ARID5B: variants seen among roughly 807,000 people sequenced by gnomAD.
ARID5B encodes the protein AT-rich interactive domain-containing protein 5B.
In ARID5B, 13 loss-of-function variants were observed where a neutral mutation model predicts 97.2. That is an observed-to-expected ratio of 0.13 (90% CI 0.09 to 0.21). ARID5B has a LOEUF of 0.21. Among genes scored for constraint, ARID5B ranks in the 10% least tolerant of loss-of-function variants. The probability of loss-of-function intolerance (pLI) is 1.00; values close to 1 mark genes in which losing one functional copy is unlikely to be tolerated. For missense variants in ARID5B, 1,210 were observed against 1,465.3 expected, an observed-to-expected ratio of 0.83 and a Z score of 2.84; for synonymous variants, 556 against 570.3, an observed-to-expected ratio of 0.97 and a Z score of 0.36.
At chr10:61,917,565 T>C (rs1331146558) in intron 2 of ARID5B, among the ~76,000 whole-genome samples, 1 of 152,138 alleles carries the variant, frequency 6.6e-6, no homozygotes, top group African/African-American at 2.4e-5. Flanking sequence ...CCTGGCCCAA[T>C]CCAATTTTTA....
At chr10:62,057,770 T>C (rs181367138) in intron 6 of ARID5B, among the ~76,000 whole-genome samples, 10 of 152,256 alleles carry the variant, frequency 6.6e-5, no homozygotes, top group African/African-American at 2.2e-4. Context: ...TGTTAAAATA[T>C]AACAAAAATC....
intron 7 of ARID5B, among the ~76,000 whole-genome samples, chr10:62,062,841 A>G (rs150617348): frequency 3.6e-4 from 54 of 151,262 alleles, no homozygotes; most frequent in African/African-American, 1.2e-3. Context: ...GCCTCATTTT[A>G]CAAGCGAGAA....
At chr10:61,990,319 A>G (rs1286728062) in intron 3 of ARID5B, among the ~76,000 whole-genome samples, 4 of 152,174 alleles carry the variant, frequency 2.6e-5, no homozygotes, top group African/African-American at 7.2e-5. Flanking sequence ...AAGTGGCGAG[A>G]TTATTTTATT....
At chr10:61,940,778 T>C (rs1844385752) in intron 3 of ARID5B, among the ~76,000 whole-genome samples, 1 of 150,892 alleles carries the variant, frequency 6.6e-6, no homozygotes, top group South Asian at 2.1e-4. Context: ...AATTTCATGT[T>C]TTACATTGAG....
At chr10:61,902,649 G>C (rs1169612949) in intron 2 of ARID5B, among the ~76,000 whole-genome samples, 1 of 151,276 alleles carries the variant, frequency 6.6e-6, no homozygotes, top group Non-Finnish European at 1.5e-5. Context: ...CAAATAACTT[G>C]TTCGAGAAGG....
At chr10:61,978,337 A>G (rs960023021) in intron 3 of ARID5B, among the ~76,000 whole-genome samples, 20 of 152,202 alleles carry the variant, frequency 1.3e-4, no homozygotes, top group Non-Finnish European at 1.9e-4. Context: ...TGACTTGGCC[A>G]TGCAGGCTCT....
chr10:61,980,857 G>A (rs1174363924), intron 3 of ARID5B, among the ~76,000 whole-genome samples: 1 of 152,126 alleles, frequency 6.6e-6, no homozygotes, highest in Non-Finnish European at 1.5e-5. Context: ...CTACTGTCCT[G>A]TCTCCTAGGA....
Position 62,079,435 on chromosome 10 carries a change from G to C in ARID5B, c.1200-6267G>C, listed in dbSNP as rs545722454. Among the ~76,000 whole-genome samples the C allele has an allele frequency of 3.7e-4, 57 of 152,278 alleles. No homozygotes were observed. The Middle Eastern group carries it at 0.01, about 27-fold the overall frequency. ...GAAATTAAAGCATGCAGAGTGCCTG[G>C]TATTAATAAGAATGTAATGCGTGGT... On this transcript the variant is annotated intron_variant, in intron 8 of 9. Coordinates refer to ENST00000279873, the MANE Select transcript of ARID5B (RefSeq NM_032199.3).
intron 2 of ARID5B, among the ~76,000 whole-genome samples, chr10:61,922,722 T>C (rs1167299588): frequency 6.6e-6 from 1 of 152,218 alleles, no homozygotes; most frequent in Non-Finnish European, 1.5e-5. Context: ...TTGTCCCAGG[T>C]GTGTTTCTCA....
rs778014323 is a variant in ARID5B, at chr10:61,959,202, G to A, written c.502+18794G>A. Among the ~76,000 whole-genome samples the A allele has an allele frequency of 2.0e-4, 30 of 152,206 alleles. 1 individual carries two copies. The highest frequency in any genetic ancestry group is 5.9e-4 in the Admixed American group (9 of 15,272). ...TTTTTGCCTAGTTATATTCATGGTT[G>A]CAAATGGGGCTAGTGTGGTTAATCA... On this transcript the variant is annotated intron_variant, in intron 3 of 9. Transcript: ENST00000279873.
In ARID5B at chr10:62,092,702, G is replaced by T; in HGVS notation, c.3239G>T (p.Gly1080Val). Residue 1080 changes from glycine to valine, a missense_variant, in exon 10 of 10, where the codon GGT (glycine) becomes GTT (valine). This residue lies in a region of ARID5B where 800 missense variants were observed against 839.1 expected (regional missense o/e 0.95). Coordinates refer to ENST00000279873, the MANE Select transcript of ARID5B (RefSeq NM_032199.3). ...CCCCTCTCCTCCCCTATCTTCCCAG[G>T]TCTGTATTCCGGGAGCCTGTGTAAC... ...KLPLSSPIFP[G>V]LYSGSLCNSG... 6.2e-7 allele frequency: 1 copy of T among 1,614,076 alleles called. No individual in the cohort carries two copies. The highest frequency in any genetic ancestry group is 8.5e-7 in the Non-Finnish European group (1 of 1,179,988).
Position 61,947,261 on chromosome 10 carries a change from C to CTTTTTTTTTTTTTTTTTTTTTTT in ARID5B, c.502+6856_502+6878dup, listed in dbSNP as rs199587188. Among the ~76,000 whole-genome samples, 16 of 124,302 alleles carry CTTTTTTTTTTTTTTTTTTTTTTT rather than the reference C, an allele frequency of 1.3e-4. 1 individual carries two copies. Among genetic ancestry groups the CTTTTTTTTTTTTTTTTTTTTTTT allele is most frequent in the Non-Finnish European group, 2.2e-4 (13 of 59,502 alleles). 81.5% of individuals were successfully genotyped at this position (124,302 alleles called of 152,430 possible). A position where few individuals can be genotyped will look rare whatever the true frequency, so the allele number is the denominator to read the frequency against. ...ACCAGTATATCTTCTCACTTACTTT[C>CTTTTTTTTTTTTTTTTTTTTTTT]TTTTTTTTTTTTTTTTTTTTTTTTT... On this transcript the variant is annotated intron_variant, in intron 3 of 9. Transcript: ENST00000279873.
At chr10:61,932,974 T>G (rs906731526) in intron 2 of ARID5B, among the ~76,000 whole-genome samples, 2 of 152,066 alleles carry the variant, frequency 1.3e-5, no homozygotes, top group Non-Finnish European at 2.9e-5. Flanking sequence ...TCCCACCTAT[T>G]CGGGAGGCTG....
chr10:61,941,030 G>C (rs1239553737), intron 3 of ARID5B, among the ~76,000 whole-genome samples: 2 of 116,638 alleles, frequency 1.7e-5, no homozygotes, highest in South Asian at 3.2e-4. Context: ...AAGTTTAAAG[G>C]AGAACTTGGG....
At chr10:61,982,694 A>G (rs572452227) in intron 3 of ARID5B, among the ~76,000 whole-genome samples, 1 of 152,192 alleles carries the variant, frequency 6.6e-6, no homozygotes, top group Non-Finnish European at 1.5e-5. Flanking sequence ...GCATGAGAAT[A>G]TTTGTTCCAG....
rs1298125270 is a variant in ARID5B, at chr10:62,096,036, TAAAAAAA to T, written c.*3007_*3013del. ...TTTAATGTTTGGCAACTCCACATGA[TAAAAAAA>T]TAAAAACAGCCCAACCGAGTTTCGG... On this transcript the variant is annotated 3_prime_UTR_variant, in exon 10 of 10. Transcript: ENST00000279873. 1 of 233,046 alleles carries T rather than the reference TAAAAAAA, an allele frequency of 4.3e-6. No individual in the cohort carries two copies. Among genetic ancestry groups the T allele is most frequent in the East Asian group, 6.0e-5 (1 of 16,540 alleles). 14.4% of individuals were successfully genotyped at this position (233,046 alleles called of 1,614,324 possible).
intron 8 of ARID5B, among the ~76,000 whole-genome samples, chr10:62,076,566 A>T (rs1287465840): frequency 6.6e-6 from 1 of 151,502 alleles, no homozygotes; most frequent in African/African-American, 2.4e-5. Flanking sequence ...TGTCTCAAAA[A>T]AAAAAAAAAA....
intron 4 of ARID5B, among the ~76,000 whole-genome samples, chr10:62,007,566 G>C (rs1463700323): frequency 6.6e-6 from 1 of 152,146 alleles, no homozygotes; most frequent in Non-Finnish European, 1.5e-5. Context: ...GAGCTAATGA[G>C]TAAAAGCACT....
chr10:62,017,034 ATTTTAAACTTCC>A (rs1465873050), intron 4 of ARID5B, among the ~76,000 whole-genome samples: 1 of 152,172 alleles, frequency 6.6e-6, no homozygotes, highest in Non-Finnish European at 1.5e-5. Context: ...CAATATTACA[ATTTTAAACTTCC>A]TCAAAACAAA....
Sources: gnomAD v4.1 joint callset for allele counts (sites outside exome capture counted in the v4.1 genomes callset) on GRCh38, gnomAD v4.1.1 for gene constraint, gnomAD v4.1.1 regional missense constraint, MANE v1.5 for transcripts, NCBI Gene and HGNC (gene_info 2026-07-23, HGNC 2026-07-21) for gene names.